Variants in FGF14 observed in about 807,000 individuals in gnomAD.
FGF14 encodes fibroblast growth factor homologous factor 4.
A neutral mutation model predicts 25.5 loss-of-function variants in FGF14; 5 were observed. The ratio of observed to expected loss-of-function variants is 0.20; its 90% CI spans 0.10 to 0.41. FGF14 has a LOEUF of 0.41. Among genes scored for constraint, FGF14 ranks in the 10% least tolerant of loss-of-function variants. FGF14 has a pLI of 1.00. For synonymous variants in FGF14, 138 were observed against 118.3 expected (o/e 1.17, Z -1.08); for missense variants, 222 against 320.1 (o/e 0.69, Z 2.34).
chr13:102,326,693 GGGAAGGAAGGAAGGAAGGAAGGAAGGAA>G lies in FGF14; in HGVS notation c.208+74750_208+74777del, dbSNP rs372687332. 1.4e-4 allele frequency among the ~76,000 whole-genome samples: 4 copies of G among 29,388 alleles called. No homozygotes were observed. The South Asian group carries it at 5.5e-3, about 41-fold the overall frequency. 19.3% of individuals were successfully genotyped at this position (29,388 alleles called of 152,430 possible). ...GGGAAGGGAAGGGAAGGGAAGGGAA[GGGAAGGAAGGAAGGAAGGAAGGAAGGAA>G]GGAAGGAAGGAAGGAAGGAAGGAAG... On this transcript the variant is annotated intron_variant, in intron 1 of 4. Coordinates refer to the FGF14 transcript ENST00000376131.
intron 1 of FGF14, among the ~76,000 whole-genome samples, chr13:101,988,017 T>A (rs1220355981): frequency 1.3e-5 from 2 of 152,068 alleles, no homozygotes; most frequent in Non-Finnish European, 2.9e-5. Context: ...AAAATAATAT[T>A]TCTTGCATAA....
At chr13:101,863,568 G>T (rs547973521) in intron 3 of FGF14, among the ~76,000 whole-genome samples, 3 of 152,272 alleles carry the variant, frequency 2.0e-5, no homozygotes, top group African/African-American at 7.2e-5. Context: ...CTCAGAGACA[G>T]GACAGGTGCT....
At chr13:102,006,517 C>G (rs1047159085) in intron 1 of FGF14, among the ~76,000 whole-genome samples, 6 of 151,278 alleles carry the variant, frequency 4.0e-5, no homozygotes, top group African/African-American at 1.5e-4. Flanking sequence ...TTACAAATAC[C>G]ACAAAATATC....
intron 1 of FGF14, among the ~76,000 whole-genome samples, chr13:102,148,170 TC>T (rs1478754385): frequency 1.3e-5 from 2 of 152,158 alleles, no homozygotes; most frequent in African/African-American, 4.8e-5. Flanking sequence ...GTGCAGTTAC[TC>T]TCTAAAATCT....
chr13:101,730,286 GTTGT>G (rs1298696670), intron 3 of FGF14, among the ~76,000 whole-genome samples: 1 of 152,140 alleles, frequency 6.6e-6, no homozygotes, highest in African/African-American at 2.4e-5. Context: ...GAACCTGAAA[GTTGT>G]TTGTAGCACA....
chr13:102,343,036 C>T (rs2056998357), intron 1 of FGF14, among the ~76,000 whole-genome samples: 1 of 151,964 alleles, frequency 6.6e-6, no homozygotes. Context: ...GCAAAACTTC[C>T]ACGAAGGATA....
chr13:101,906,664 G>A (rs2032285511), intron 1 of FGF14, among the ~76,000 whole-genome samples: 1 of 152,074 alleles, frequency 6.6e-6, no homozygotes. Context: ...AATCTCAATG[G>A]AAGAGATAAT....
At chr13:102,266,368 G>A (rs2052993829) in intron 1 of FGF14, among the ~76,000 whole-genome samples, 1 of 151,980 alleles carries the variant, frequency 6.6e-6, no homozygotes, top group Admixed American at 6.6e-5. Flanking sequence ...TGCATACCGA[G>A]GTCACCATAT....
chr13:102,018,049 G>A (rs2040437952), intron 1 of FGF14, among the ~76,000 whole-genome samples: 1 of 152,088 alleles, frequency 6.6e-6, no homozygotes, highest in Non-Finnish European at 1.5e-5. Context: ...TTCTTTGGAT[G>A]TCAGTTCTTC....
At chr13:101,776,656 C>T (rs531245394) in intron 3 of FGF14, among the ~76,000 whole-genome samples, 1 of 152,312 alleles carries the variant, frequency 6.6e-6, no homozygotes, top group South Asian at 2.1e-4. Flanking sequence ...TTCCACAGCA[C>T]ATCTCATTGC....
At chr13:102,013,598 A>T (rs908264808) in intron 1 of FGF14, among the ~76,000 whole-genome samples, 1 of 152,224 alleles carries the variant, frequency 6.6e-6, no homozygotes, top group Non-Finnish European at 1.5e-5. Flanking sequence ...CAATTCTTGA[A>T]TAACAGAATC....
chr13:102,071,918 C>G (rs1269724468), intron 1 of FGF14, among the ~76,000 whole-genome samples: 1 of 152,152 alleles, frequency 6.6e-6, no homozygotes, highest in East Asian at 1.9e-4. Context: ...AACAGACTTA[C>G]TATTGGCAAA....
At chr13:102,091,601 T>C (rs9518622) in intron 1 of FGF14, among the ~76,000 whole-genome samples, 59,160 of 152,010 alleles carry the variant, frequency 0.39, 13,528 homozygotes, top group Non-Finnish European at 0.51. Flanking sequence ...AGGTCTGGAT[T>C]CCAGCTTCAT....
At chr13:102,342,309 T>C (rs889218554) in intron 1 of FGF14, among the ~76,000 whole-genome samples, 1 of 152,114 alleles carries the variant, frequency 6.6e-6, no homozygotes. Flanking sequence ...GGAATGATTC[T>C]CAAATACAAA....
intron 1 of FGF14, among the ~76,000 whole-genome samples, chr13:102,035,992 C>T (rs2041453600): frequency 6.6e-6 from 1 of 152,052 alleles, no homozygotes; most frequent in African/African-American, 2.4e-5. Flanking sequence ...AAATTAAGGA[C>T]AGAAAGGTAA....
intron 1 of FGF14, among the ~76,000 whole-genome samples, chr13:102,311,343 CTT>C (rs2055756261): frequency 1.3e-5 from 2 of 152,118 alleles, no homozygotes; most frequent in Non-Finnish European, 2.9e-5. Context: ...TCTGATCAGT[CTT>C]GAAGAAAATA....
At chr13:102,032,701 A>T (rs916868815) in intron 1 of FGF14, among the ~76,000 whole-genome samples, 2 of 152,130 alleles carry the variant, frequency 1.3e-5, no homozygotes, top group Non-Finnish European at 2.9e-5. Context: ...GACATACACT[A>T]TCACTGGCTT....
Position 101,753,288 on chromosome 13 carries a change from C to T in FGF14, c.409-26478G>A, listed in dbSNP as rs7491333. On this transcript the variant is annotated intron_variant, in intron 3 of 4. Transcript: ENST00000376143. ...GATCAAATACACACACACACAGACA[C>T]ACACAGACAGACACACACACACACA... 1.1e-4 allele frequency among the ~76,000 whole-genome samples: 13 copies of T among 116,176 alleles called. No individual in the cohort carries two copies. In the Admixed American group the frequency reaches 1.3e-3, roughly 12 times the overall value. The allele number at this position is 116,176 out of a possible 152,430, so 76.2% of individuals were successfully genotyped here. A position where few individuals can be genotyped will look rare whatever the true frequency, so the allele number is the denominator to read the frequency against.
chr13:101,845,008 G>A (rs1480483348), intron 3 of FGF14, among the ~76,000 whole-genome samples: 4 of 151,948 alleles, frequency 2.6e-5, no homozygotes, highest in African/African-American at 9.7e-5. Context: ...CCCAAGATCT[G>A]TTTTAGATGT....
Sources: gnomAD v4.1 joint callset for allele counts (sites outside exome capture counted in the v4.1 genomes callset) on GRCh38, gnomAD v4.1.1 for gene constraint, MANE v1.5 for transcripts, NCBI Gene and HGNC (gene_info 2026-07-23, HGNC 2026-07-21) for gene names.